Variants in MBOAT2 observed in about 807,000 individuals in gnomAD.
MBOAT2 encodes the protein membrane-bound glycerophospholipid O-acyltransferase 2.
MBOAT2 carries 28 observed loss-of-function variants against 63.4 expected under a neutral mutation model. That is an observed-to-expected ratio of 0.44 (90% confidence interval 0.33 to 0.61). MBOAT2 has a LOEUF of 0.61. Among genes scored for constraint, MBOAT2 ranks in the 20% least tolerant of loss-of-function variants. The probability of loss-of-function intolerance (pLI) is 0.03; values close to 1 mark genes in which losing one functional copy is unlikely to be tolerated. For missense variants in MBOAT2, 470 were observed against 605.8 expected (o/e 0.78, Z 2.35); for synonymous variants, 211 against 215.6 (o/e 0.98, Z 0.19).
At chr2:8,882,652 T>C (rs1443606503) in intron 5 of MBOAT2, 87 bp from the exon 6 acceptor site, 17 of 1,180,250 alleles carry the variant, frequency 1.4e-5, no homozygotes, top group Non-Finnish European at 1.8e-5. Flanking sequence ...ACTTTCCTCA[T>C]TTGAAATTCA....
chr2:8,986,178 C>T (rs538053080), intron 1 of MBOAT2, among the ~76,000 whole-genome samples: 1 of 148,614 alleles, frequency 6.7e-6, no homozygotes, highest in African/African-American at 2.5e-5. Flanking sequence ...AAATCCATGA[C>T]CAGTTATCCT....
intron 3 of MBOAT2, among the ~76,000 whole-genome samples, chr2:8,911,023 G>A (rs1471000677): frequency 6.6e-6 from 1 of 152,184 alleles, no homozygotes. Context: ...CTAAATCAAG[G>A]AACTGATCAC....
At chr2:8,918,544 C>T (rs1327085314) in intron 3 of MBOAT2, among the ~76,000 whole-genome samples, 1 of 152,060 alleles carries the variant, frequency 6.6e-6, no homozygotes, top group Non-Finnish European at 1.5e-5. Context: ...CACAAACTTT[C>T]TGTTTGTTTA....
At chr2:8,963,426 C>T (rs183872185) in intron 1 of MBOAT2, among the ~76,000 whole-genome samples, 6 of 152,246 alleles carry the variant, frequency 3.9e-5, no homozygotes, top group Admixed American at 3.9e-4. Flanking sequence ...GCCTCAGCCT[C>T]CCAAGCAGCT....
At chr2:8,893,470 G>A (rs1664171377) in intron 4 of MBOAT2, among the ~76,000 whole-genome samples, 1 of 152,186 alleles carries the variant, frequency 6.6e-6, no homozygotes, top group Admixed American at 6.5e-5. Context: ...TAAAACACAA[G>A]TGATAATAAT....
chr2:8,897,092 G>A (rs1239952217), intron 4 of MBOAT2, among the ~76,000 whole-genome samples: 1 of 152,218 alleles, frequency 6.6e-6, no homozygotes, highest in African/African-American at 2.4e-5. Flanking sequence ...GCTTTTAAAG[G>A]AAAGGGGTAC....
At chr2:8,966,538 A>T (rs1051986544) in intron 1 of MBOAT2, among the ~76,000 whole-genome samples, 1 of 152,180 alleles carries the variant, frequency 6.6e-6, no homozygotes, top group African/African-American at 2.4e-5. Flanking sequence ...CCCAGGCAAA[A>T]CTTACGTGCA....
chr2:8,878,003 A>G (rs1662823210), intron 6 of MBOAT2, among the ~76,000 whole-genome samples: 1 of 152,212 alleles, frequency 6.6e-6, no homozygotes, highest in Admixed American at 6.5e-5. Context: ...GAAAAAACAC[A>G]GCAGGGGTTT....
At chr2:8,966,917 T>C (rs1670037926) in intron 1 of MBOAT2, among the ~76,000 whole-genome samples, 1 of 152,220 alleles carries the variant, frequency 6.6e-6, no homozygotes, top group Non-Finnish European at 1.5e-5. Context: ...TTGTTCATAA[T>C]AGCCAAATGC....
At chr2:8,908,769 G>C (rs1665508483) in intron 3 of MBOAT2, 53 bp from the exon 4 acceptor site, 2 of 1,102,228 alleles carry the variant, frequency 1.8e-6, no homozygotes, top group Non-Finnish European at 2.7e-6. Context: ...TTTTGTTAAA[G>C]AGTACATTTT....
chr2:8,935,271 G>C (rs531702503), intron 3 of MBOAT2, among the ~76,000 whole-genome samples: 1 of 152,272 alleles, frequency 6.6e-6, no homozygotes, highest in South Asian at 2.1e-4. Flanking sequence ...CTTACACCAG[G>C]AACCAAAATC....
chr2:8,949,916 G>A (rs1010092120), intron 2 of MBOAT2, among the ~76,000 whole-genome samples: 2 of 152,064 alleles, frequency 1.3e-5, no homozygotes, highest in Non-Finnish European at 2.9e-5. Flanking sequence ...TGGGCAGTAT[G>A]GCCATTTTAG....
At position 8,862,505 on chromosome 2, in the gene MBOAT2, G is replaced by T. The variant is rs770247439; in HGVS notation, c.1185+85C>A. On this transcript the variant is annotated intron_variant, in intron 11 of 12. Coordinates refer to ENST00000305997, the MANE Select transcript of MBOAT2 (RefSeq NM_138799.4). This position sits in a 1 kb window ranked among gnomAD's most constrained non-coding sequence, Gnocchi z 4.3. ...TACTGACCACGACCAAGGAAAGAGG[G>T]TCTACCTTGTAAGAGAGATGTACTC... 93 of 1,484,930 alleles carry T rather than the reference G, an allele frequency of 6.3e-5. No individual in the cohort carries two copies. The highest frequency in any genetic ancestry group is 8.3e-5 in the Non-Finnish European group (91 of 1,092,380). The allele number at this position is 1,484,930 out of a possible 1,614,324, so 92.0% of individuals were successfully genotyped here.
At chr2:8,940,610 G>T (rs749878857) in intron 3 of MBOAT2, among the ~76,000 whole-genome samples, 1 of 152,038 alleles carries the variant, frequency 6.6e-6, no homozygotes, top group Non-Finnish European at 1.5e-5. Context: ...CATTTTAAAG[G>T]TAAGATATGA....
At position 8,958,408 on chromosome 2, in the gene MBOAT2, A is replaced by G. The variant is rs940779209; in HGVS notation, c.221+89T>C. ...AACTTTTTAAGTAAATATAAGAACA[A>G]AACCCTACATAATGTATCTTTCCAC... On this transcript the variant is annotated intron_variant, in intron 2 of 12. Transcript: ENST00000305997. The G allele has an allele frequency of 3.9e-6, 5 of 1,267,888 alleles. No individual in the cohort carries two copies. The African/African-American group carries it at 7.6e-5, about 19-fold the overall frequency. The allele number at this position is 1,267,888 out of a possible 1,614,324, so 78.5% of individuals were successfully genotyped here.
intron 3 of MBOAT2, among the ~76,000 whole-genome samples, chr2:8,937,894 C>T (rs958937825): frequency 1.3e-5 from 2 of 152,164 alleles, no homozygotes; most frequent in African/African-American, 4.8e-5. Context: ...CTATCACTCA[C>T]ACTCGCCAGG....
chr2:8,982,312 T>A (rs541458963), intron 1 of MBOAT2, among the ~76,000 whole-genome samples: 2 of 152,260 alleles, frequency 1.3e-5, no homozygotes, highest in South Asian at 2.1e-4. Flanking sequence ...CACAAAAAAA[T>A]ATTTCTCATT....
rs768843029 is a variant in MBOAT2, at chr2:8,873,171, T to C, written c.820A>G (p.Ile274Val). ...AAAAGAGAGATATACAGATAGATAA[T>C]CTTTGTTGGCCACGAAGCTGTAGCT... ...FQATASWPTKIIYLYISLLAA... is the reference protein window; with the variant it reads ...FQATASWPTKVIYLYISLLAA... The change falls in exon 8 of 13, where the codon ATT (isoleucine) becomes GTT (valine). Residue 274 changes from isoleucine to valine, a missense_variant. Physicochemically the swap from Ile to Val is conservative, Grantham distance 29. Transcript: ENST00000305997. The C allele has an allele frequency of 1.9e-6, 3 of 1,614,074 alleles. No individual in the cohort carries two copies. The highest frequency in any genetic ancestry group is 2.5e-6 in the Non-Finnish European group (3 of 1,180,038).
chr2:8,996,413 G>A (rs570034427), intron 1 of MBOAT2, among the ~76,000 whole-genome samples: 3 of 152,230 alleles, frequency 2.0e-5, no homozygotes, highest in Non-Finnish European at 2.9e-5. Flanking sequence ...CAACCCTAAC[G>A]TCCTGGATTG....
Sources: gnomAD v4.1 joint callset for allele counts (sites outside exome capture counted in the v4.1 genomes callset) on GRCh38, gnomAD v4.1.1 for gene constraint, Gnocchi (gnomAD v3.1) non-coding constraint, MANE v1.5 for transcripts, NCBI Gene and HGNC (gene_info 2026-07-23, HGNC 2026-07-21) for gene names.